RRM2B: variants seen among roughly 807,000 people sequenced by gnomAD.
The protein encoded by RRM2B is ribonucleoside-diphosphate reductase subunit M2 B.
RRM2B carries 20 observed loss-of-function variants against 45.9 expected under a neutral mutation model. That is an observed-to-expected ratio of 0.44 (90% confidence interval 0.31 to 0.63). The LOEUF is 0.63. Among genes scored for constraint, RRM2B ranks in the 30% least tolerant of loss-of-function variants. The pLI is 0.09. For synonymous variants in RRM2B, 124 were observed against 132.3 expected, an observed-to-expected ratio of 0.94 and a Z score of 0.43; for missense variants, 320 against 414.7, an observed-to-expected ratio of 0.77 and a Z score of 1.98.
Position 102,206,009 on chromosome 8 carries a change from T to C in RRM2B, c.*2124A>G, listed in dbSNP as rs1810538605. 6.6e-6 allele frequency: 1 copy of C among 152,136 alleles called. No individual in the cohort carries two copies. Among genetic ancestry groups the C allele is most frequent in the South Asian group, 2.1e-4 (1 of 4,832 alleles). The allele number at this position is 152,136 out of a possible 1,614,324, so 9.4% of individuals were successfully genotyped here. A position where few individuals can be genotyped will look rare whatever the true frequency, so the allele number is the denominator to read the frequency against. On this transcript the variant is annotated 3_prime_UTR_variant, in exon 9 of 9. Coordinates refer to ENST00000251810, the MANE Select transcript of RRM2B (RefSeq NM_015713.5). Reference sequence around the variant, plus strand: ...ACAAAGGAATATACACTGTACAATTTTTTTTCTTTCATTCTGATGTCATTA... The same window carrying C: ...ACAAAGGAATATACACTGTACAATTCTTTTTCTTTCATTCTGATGTCATTA...
rs180881931 is a variant in RRM2B, at chr8:102,213,818, C to T, written c.789+236G>A. On this transcript the variant is annotated intron_variant, in intron 7 of 8. Coordinates refer to ENST00000251810, the MANE Select transcript of RRM2B (RefSeq NM_015713.5). ...AGATCAATAAGACAGAAAAATAGCC[C>T]TGAAACAGGTTTTAGTATACATAAA... 1.8e-4 allele frequency among the ~76,000 whole-genome samples: 27 copies of T among 151,898 alleles called. No homozygotes were observed. In the East Asian group the frequency reaches 5.2e-3, roughly 29 times the overall value.
intron 2 of RRM2B, among the ~76,000 whole-genome samples, chr8:102,230,482 G>A (rs1359038772): frequency 2.0e-5 from 3 of 152,244 alleles, no homozygotes; most frequent in Admixed American, 6.5e-5. Context: ...AGCCACCTGC[G>A]TATTCCACTC....
At chr8:102,209,998 G>C (rs559287484) in intron 8 of RRM2B, among the ~76,000 whole-genome samples, 1 of 152,234 alleles carries the variant, frequency 6.6e-6, no homozygotes, top group Non-Finnish European at 1.5e-5. Flanking sequence ...CTAAGGCAAG[G>C]TGGGTAAGGG....
intron 2 of RRM2B, among the ~76,000 whole-genome samples, chr8:102,229,868 A>G (rs1022906933): frequency 1.3e-5 from 2 of 152,192 alleles, no homozygotes; most frequent in Non-Finnish European, 2.9e-5. Context: ...TACAGGTGTG[A>G]GCCACCATGC....
rs368795946 is a variant in RRM2B, at chr8:102,214,043, T to G, written c.789+11A>C. Reference sequence around the variant, plus strand: ...GAGAGATGTGCTAATTACACAAACTTCCCGGTTTACCTGCTCAATTTTGAC... The same window carrying G: ...GAGAGATGTGCTAATTACACAAACTGCCCGGTTTACCTGCTCAATTTTGAC... On this transcript the variant is annotated intron_variant, in intron 7 of 8. Coordinates refer to ENST00000251810, the MANE Select transcript of RRM2B (RefSeq NM_015713.5). 6.3e-7 allele frequency: 1 copy of G among 1,579,132 alleles called. No homozygotes were observed. The highest frequency in any genetic ancestry group is 1.3e-5 in the African/African-American group (1 of 74,156).
At chr8:102,214,459 G>A in intron 6 of RRM2B, 1 of 304,208 alleles carries the variant, frequency 3.3e-6, no homozygotes, top group South Asian at 3.2e-5. Flanking sequence ...AATAAAGCAA[G>A]AAAGCCTGAA....
At chr8:102,235,607 G>A (rs938827088) in intron 1 of RRM2B, among the ~76,000 whole-genome samples, 3 of 152,154 alleles carry the variant, frequency 2.0e-5, no homozygotes, top group Admixed American at 6.5e-5. Context: ...TTCGGAGGCC[G>A]AGGCGGGCGG....
intron 2 of RRM2B, among the ~76,000 whole-genome samples, chr8:102,226,402 T>A (rs758771427): frequency 6.6e-6 from 1 of 151,750 alleles, no homozygotes; most frequent in Non-Finnish European, 1.5e-5. Flanking sequence ...AAAATTAAGA[T>A]GGAATCGAAT....
intron 2 of RRM2B, among the ~76,000 whole-genome samples, chr8:102,226,399 A>C (rs2607657): frequency 0.58 from 87,152 of 151,268 alleles, 26,144 homozygotes; most frequent in African/African-American, 0.75. Context: ...TAAAAAATTA[A>C]GATGGAATCG....
At chr8:102,229,128 C>T (rs1046274231) in intron 2 of RRM2B, among the ~76,000 whole-genome samples, 2 of 152,194 alleles carry the variant, frequency 1.3e-5, no homozygotes, top group African/African-American at 4.8e-5. Context: ...TGGCGCATGC[C>T]TGTAGTCCCA....
At position 102,206,592 on chromosome 8, in the gene RRM2B, T is replaced by C. The variant is rs1171425663; in HGVS notation, c.*1541A>G. ...AATCTCTAAGTTTTAGCATCCAGAA[T>C]TGTATAAAGTACAGTTTGTTGGGAA... On this transcript the variant is annotated 3_prime_UTR_variant, in exon 9 of 9. Coordinates refer to ENST00000251810, the MANE Select transcript of RRM2B (RefSeq NM_015713.5). The C allele has an allele frequency of 6.6e-6, 1 of 152,164 alleles. No individual in the cohort carries two copies. Among genetic ancestry groups the C allele is most frequent in the Non-Finnish European group, 1.5e-5 (1 of 68,016 alleles). 9.4% of individuals were successfully genotyped at this position (152,164 alleles called of 1,614,324 possible).
intron 3 of RRM2B, among the ~76,000 whole-genome samples, chr8:102,225,329 G>A (rs1262904739): frequency 6.7e-6 from 1 of 149,574 alleles, no homozygotes; most frequent in East Asian, 2.0e-4. Context: ...TGCCTCCCAG[G>A]TTCAAGAAAT....
intron 8 of RRM2B, among the ~76,000 whole-genome samples, chr8:102,209,200 C>T (rs1426303593): frequency 6.6e-6 from 1 of 151,884 alleles, no homozygotes; most frequent in African/African-American, 2.4e-5. Flanking sequence ...TTGATGGAAA[C>T]TGTGGGATAT....
At chr8:102,212,584 GCCT>G (rs530639205) in intron 8 of RRM2B, among the ~76,000 whole-genome samples, 189 bp downstream of exon 8, 104 of 152,220 alleles carry the variant, frequency 6.8e-4, no homozygotes, top group Non-Finnish European at 1.3e-3. Context: ...TATTTTACCA[GCCT>G]CCTACTTCAG....
Position 102,211,025 on chromosome 8 carries a change from C to CGA in RRM2B, c.903+1749_903+1750dup, listed in dbSNP as rs948497503. 2.3e-4 allele frequency among the ~76,000 whole-genome samples: 34 copies of CGA among 149,918 alleles called. No homozygotes were observed. In the East Asian group the frequency reaches 5.9e-3, roughly 26 times the overall value. ...TATGCAGAGAGAGAGAGAGAGAGAG[C>CGA]GAGAGAGAAAGGGTCTCACTCTGTT... On this transcript the variant is annotated intron_variant, in intron 8 of 8. Coordinates refer to ENST00000251810, the MANE Select transcript of RRM2B (RefSeq NM_015713.5).
chr8:102,224,703 G>A (rs1810896495), intron 4 of RRM2B, among the ~76,000 whole-genome samples, 182 bp downstream of exon 4: 1 of 152,116 alleles, frequency 6.6e-6, no homozygotes, highest in South Asian at 2.1e-4. Context: ...ATATCTAAAG[G>A]TTAACTGGTT....
chr8:102,230,846 A>G (rs1811014360), intron 2 of RRM2B, among the ~76,000 whole-genome samples: 1 of 152,206 alleles, frequency 6.6e-6, no homozygotes, highest in South Asian at 2.1e-4. Flanking sequence ...AAATCCTCAT[A>G]ACAACACAAA....
rs918271471 is a variant in RRM2B at position 102,205,150 on chromosome 8, T to G, written c.*2983A>C. On this transcript the variant is annotated 3_prime_UTR_variant, in exon 9 of 9. Transcript: ENST00000251810. ...CATAATACCTGATTGTAGGATTAATTTGGCTTTTATTTAGCCCATCTGCAG... is the reference window on the plus strand; with the variant it reads ...CATAATACCTGATTGTAGGATTAATGTGGCTTTTATTTAGCCCATCTGCAG... The G allele has an allele frequency of 2.8e-4, 42 of 152,212 alleles. No homozygotes were observed. The highest frequency in any genetic ancestry group is 1.0e-3 in the African/African-American group (42 of 41,472). The allele number at this position is 152,212 out of a possible 1,614,324, so 9.4% of individuals were successfully genotyped here. A position where few individuals can be genotyped will look rare whatever the true frequency, so the allele number is the denominator to read the frequency against.
intron 7 of RRM2B, 49 bp downstream of exon 7, chr8:102,214,005 A>G: frequency 8.1e-7 from 1 of 1,231,648 alleles, no homozygotes; most frequent in Non-Finnish European, 1.2e-6. Context: ...TAGTGGTACA[A>G]ACATCAGAGA....
Sources: allele counts gnomAD v4.1 joint callset (sites outside exome capture counted in the v4.1 genomes callset), GRCh38; gene constraint gnomAD v4.1.1; transcripts MANE v1.5; gene names NCBI Gene and HGNC (gene_info 2026-07-23, HGNC 2026-07-21).